Variants in KCNH4 observed in about 807,000 individuals in gnomAD.
KCNH4 encodes the protein potassium voltage-gated channel subfamily H member 4, also known as voltage-gated delayed rectifier potassium channel KCNH4.
Under a neutral mutation model 90.7 loss-of-function variants are expected in KCNH4, and 33 were observed. The observed-to-expected ratio is 0.36, with a 90% CI of 0.28 to 0.49. The LOEUF is 0.49. Ranked by LOEUF, KCNH4 falls within the 20% of genes least tolerant of loss-of-function variation. KCNH4 has a pLI of 0.98. For synonymous variants in KCNH4, 551 were observed against 581.7 expected (o/e 0.95, Z 0.76); for missense variants, 1,044 against 1,387.1 (o/e 0.75, Z 3.93).
At chr17:42,176,457 G>A (rs1421637972) in intron 4 of KCNH4, among the ~76,000 whole-genome samples, 160 bp from the exon 5 acceptor site, 6 of 151,106 alleles carry the variant, frequency 4.0e-5, no homozygotes, top group African/African-American at 1.2e-4. Flanking sequence ...GGGGCGCAGA[G>A]GCTGACACCT....
chr17:42,167,069 G>A (rs1379602975), intron 9 of KCNH4, among the ~76,000 whole-genome samples: 7 of 152,002 alleles, frequency 4.6e-5, no homozygotes, highest in South Asian at 4.1e-4. Context: ...CTCTCCCCTT[G>A]GTCCCCCTGG....
chr17:42,164,071 G>T, intron 12 of KCNH4, 59 bp downstream of exon 12: 1 of 1,533,202 alleles, frequency 6.5e-7, no homozygotes, highest in Non-Finnish European at 8.8e-7. Flanking sequence ...GGGGGATGCT[G>T]CTACCCATCT....
At chr17:42,177,205 A>G (rs1487479365) in intron 4 of KCNH4, among the ~76,000 whole-genome samples, 1 of 151,814 alleles carries the variant, frequency 6.6e-6, no homozygotes, top group East Asian at 1.9e-4. Flanking sequence ...ATGTGCCACC[A>G]TACCCATCTA....
At chr17:42,165,393 G>C in intron 11 of KCNH4, 56 bp downstream of exon 11, 1 of 1,597,752 alleles carries the variant, frequency 6.3e-7, no homozygotes, top group Non-Finnish European at 8.6e-7. Context: ...GGCTGGGGAG[G>C]TCTGCTTTGG....
In KCNH4 at chr17:42,180,293, A is replaced by G. The variant is rs1264858096; in HGVS notation, c.76+577T>C. 1.3e-5 allele frequency among the ~76,000 whole-genome samples: 2 copies of G among 152,158 alleles called. No homozygotes were observed. The highest frequency in any genetic ancestry group is 3.9e-4 in the East Asian group (2 of 5,154). ...CGGGGGAGGAGTGATGTGGCTGTCC[A>G]AGGTGCTGAACCTGAAACCCAAGCT... On this transcript the variant is annotated intron_variant, in intron 1 of 16. Coordinates refer to ENST00000264661, the MANE Select transcript of KCNH4 (RefSeq NM_012285.3). The surrounding 1 kb of genome is among the most constrained non-coding windows in gnomAD (Gnocchi z 4.7).
chr17:42,169,847 C>A (rs1353748495), intron 8 of KCNH4, among the ~76,000 whole-genome samples, 171 bp from the exon 9 acceptor site: 1 of 152,180 alleles, frequency 6.6e-6, no homozygotes, highest in Non-Finnish European at 1.5e-5. Context: ...ATGGGTAACA[C>A]CCCATGCTCC....
chr17:42,174,548 A>C (rs1361474778), intron 6 of KCNH4, among the ~76,000 whole-genome samples: 1 of 152,194 alleles, frequency 6.6e-6, no homozygotes, highest in Non-Finnish European at 1.5e-5. Flanking sequence ...GTGCACAGCC[A>C]GGAGAGGAGG....
At chr17:42,175,760 T>C in intron 5 of KCNH4, 24 bp from the exon 6 acceptor site, 1 of 1,612,874 alleles carries the variant, frequency 6.2e-7, no homozygotes, top group Non-Finnish European at 8.5e-7. Context: ...AGGCTATTAC[T>C]GGGGGGCCTT....
chr17:42,180,985 T>G lies in KCNH4; in HGVS notation c.-40A>C. ...GGTTCAAGGCGCGGCGCTGGGGAGC[T>G]TTCAGCGCGGCCGGGCCGGAGGGGG... On this transcript the variant is annotated 5_prime_UTR_variant, in exon 1 of 17. Transcript: ENST00000264661. This position sits in a 1 kb window ranked among gnomAD's most constrained non-coding sequence, Gnocchi z 4.7. The G allele has an allele frequency of 6.3e-7, 1 of 1,586,498 alleles. No individual in the cohort carries two copies. The highest frequency in any genetic ancestry group is 8.6e-7 in the Non-Finnish European group (1 of 1,162,776).
intron 14 of KCNH4, among the ~76,000 whole-genome samples, chr17:42,162,941 A>G (rs2079759079): frequency 6.6e-6 from 1 of 152,158 alleles, no homozygotes; most frequent in Non-Finnish European, 1.5e-5. Context: ...CCCTTTAAGA[A>G]GCAACCCAAG....
intron 7 of KCNH4, among the ~76,000 whole-genome samples, 182 bp from the exon 8 acceptor site, chr17:42,170,483 G>T (rs530001798): frequency 1.3e-5 from 2 of 152,242 alleles, no homozygotes; most frequent in Admixed American, 6.5e-5. Context: ...TTCCAAGGCC[G>T]CCAACTAACT....
intron 16 of KCNH4, among the ~76,000 whole-genome samples, chr17:42,157,322 A>AT (rs1568029329): frequency 1.3e-5 from 2 of 152,062 alleles, no homozygotes; most frequent in Non-Finnish European, 2.9e-5. Context: ...TTATTTTTTT[A>AT]TTTTTTTGAG....
rs969000890 is a variant in KCNH4 at position 42,156,938 on chromosome 17, T to C, written c.*490A>G. The C allele has an allele frequency of 6.6e-6, 1 of 152,060 alleles. No homozygotes were observed. The allele number at this position is 152,060 out of a possible 1,614,324, so 9.4% of individuals were successfully genotyped here. A position where few individuals can be genotyped will look rare whatever the true frequency, so the allele number is the denominator to read the frequency against. ...CCTATCCAAAAGTGAGCCCAGGGTG[T>C]TGGGTGGTAGAGGAGAGCTGGAGAC... On this transcript the variant is annotated 3_prime_UTR_variant, in exon 17 of 17. Transcript: ENST00000264661.
intron 4 of KCNH4, among the ~76,000 whole-genome samples, chr17:42,176,880 T>G (rs2079865988): frequency 6.6e-6 from 1 of 151,854 alleles, no homozygotes; most frequent in Non-Finnish European, 1.5e-5. Context: ...GGCTTGACAT[T>G]CACCCAACTT....
chr17:42,162,191 G>C, intron 15 of KCNH4, 57 bp downstream of exon 15: 1 of 1,476,658 alleles, frequency 6.8e-7, no homozygotes, highest in Non-Finnish European at 9.4e-7. Context: ...AGTGAGCCAC[G>C]TGTAGGGTCT....
Position 42,160,063 on chromosome 17 carries a change from A to C in KCNH4, c.3031T>G (p.Ser1011Ala), listed in dbSNP as rs1316349639. ...GGTCAGTGGAACGTGTCTGACCTGGACTGGAAACTGTGCCTCAAGAGGCTT... is the reference window on the plus strand; with the variant it reads ...GGTCAGTGGAACGTGTCTGACCTGGCCTGGAAACTGTGCCTCAAGAGGCTT... The part of the protein sequence containing the change: ...TPSLLRHSFQ[S>A]RSDTFH The change falls in exon 16 of 17, where the codon TCC becomes GCC. Residue 1011 changes from serine to alanine, a missense_variant. Ser to Ala is a moderately conservative substitution (Grantham distance 99). Coordinates refer to ENST00000264661, the MANE Select transcript of KCNH4 (RefSeq NM_012285.3). 4 of 1,544,408 alleles carry C rather than the reference A, an allele frequency of 2.6e-6. No individual in the cohort carries two copies. The highest frequency in any genetic ancestry group is 3.5e-6 in the Non-Finnish European group (4 of 1,143,332).
intron 15 of KCNH4, among the ~76,000 whole-genome samples, chr17:42,160,940 T>C (rs2144118397): frequency 7.0e-6 from 1 of 143,836 alleles, no homozygotes; most frequent in Admixed American, 6.9e-5. Context: ...TTTTTTTTTT[T>C]TTTTTGAGAT....
chr17:42,175,490 C>A (rs947131020), intron 6 of KCNH4, 89 bp downstream of exon 6: 2 of 1,382,570 alleles, frequency 1.4e-6, no homozygotes, highest in Admixed American at 3.4e-5. Flanking sequence ...TGGGAAGGGG[C>A]ATATCTGGGT....
In KCNH4 at chr17:42,180,269, G is replaced by C. The variant is rs983003005; in HGVS notation, c.76+601C>G. 6.6e-6 allele frequency among the ~76,000 whole-genome samples: 1 copy of C among 152,094 alleles called. No homozygotes were observed. The highest frequency in any genetic ancestry group is 1.5e-5 in the Non-Finnish European group (1 of 67,988). ...AAGAGGGAATGGCGGGAGAAGAGGC[G>C]GGGGAGGAGTGATGTGGCTGTCCAA... is the stretch of plus-strand genomic sequence containing the variant. On this transcript the variant is annotated intron_variant, in intron 1 of 16. Transcript: ENST00000264661. This position sits in a 1 kb window ranked among gnomAD's most constrained non-coding sequence, Gnocchi z 4.7.
Sources: allele counts gnomAD v4.1 joint callset (sites outside exome capture counted in the v4.1 genomes callset), GRCh38; gene constraint gnomAD v4.1.1; non-coding constraint Gnocchi (gnomAD v3.1); transcripts MANE v1.5; gene names NCBI Gene and HGNC (gene_info 2026-07-23, HGNC 2026-07-21).